VPS37C: variants seen among roughly 807,000 people sequenced by gnomAD.
The protein encoded by VPS37C is VPS37C subunit of ESCRT-I.
In VPS37C, 9 loss-of-function variants were observed where a neutral mutation model predicts 16.1. That is an observed-to-expected ratio of 0.56 (90% CI 0.34 to 0.97). The LOEUF (loss-of-function observed/expected upper bound fraction) is 0.97, where lower values mean the gene tolerates loss of function less well. Ranked by LOEUF, VPS37C falls within the 50% of genes least tolerant of loss-of-function variation. The probability of loss-of-function intolerance (pLI) is 0.02; values close to 1 mark genes in which losing one functional copy is unlikely to be tolerated. For synonymous variants in VPS37C, 207 were observed against 206.4 expected, an observed-to-expected ratio of 1.00 and a Z score of -0.02; for missense variants, 479 against 472.7, an observed-to-expected ratio of 1.01 and a Z score of -0.12.
intron 1 of VPS37C, among the ~76,000 whole-genome samples, chr11:61,154,598 C>T (rs1220529780): frequency 6.6e-6 from 1 of 151,820 alleles, no homozygotes; most frequent in Non-Finnish European, 1.5e-5. Context: ...CTCTAGCACC[C>T]TTACATACAT....
intron 1 of VPS37C, among the ~76,000 whole-genome samples, chr11:61,149,964 C>T (rs954993667): frequency 2.6e-5 from 4 of 152,130 alleles, no homozygotes; most frequent in African/African-American, 4.8e-5. Flanking sequence ...TATCAGCACG[C>T]GGCAGGCTGC....
chr11:61,148,846 C>T (rs940782699), intron 1 of VPS37C, among the ~76,000 whole-genome samples: 1 of 152,172 alleles, frequency 6.6e-6, no homozygotes, highest in Non-Finnish European at 1.5e-5. Flanking sequence ...TCAAGCAATC[C>T]ACCTCACTTC....
intron 1 of VPS37C, among the ~76,000 whole-genome samples, chr11:61,154,002 T>G (rs781148983): frequency 6.6e-6 from 1 of 152,198 alleles, no homozygotes; most frequent in Non-Finnish European, 1.5e-5. Flanking sequence ...GCCTTGGTAG[T>G]GAGGAAAAAT....
intron 1 of VPS37C, among the ~76,000 whole-genome samples, chr11:61,153,582 C>G (rs1316695496): frequency 6.6e-6 from 1 of 151,500 alleles, no homozygotes; most frequent in East Asian, 1.9e-4. Flanking sequence ...AAAAGCCAGA[C>G]AAAGCCAAAC....
chr11:61,145,944 T>A (rs1377595194), intron 1 of VPS37C, among the ~76,000 whole-genome samples: 1 of 152,234 alleles, frequency 6.6e-6, no homozygotes, highest in East Asian at 1.9e-4. Context: ...ACTGCTCTAG[T>A]GACCCCCAGG....
At chr11:61,134,623 T>C (rs566329504) in intron 2 of VPS37C, among the ~76,000 whole-genome samples, 48 of 152,176 alleles carry the variant, frequency 3.2e-4, no homozygotes, top group Non-Finnish European at 6.0e-4. Context: ...AGACCTACCA[T>C]GGTGGGCTCA....
intron 2 of VPS37C, chr11:61,138,262 T>A (rs988484089): frequency 1.9e-5 from 3 of 159,148 alleles, no homozygotes; most frequent in African/African-American, 7.2e-5. Flanking sequence ...GGATTCTGTT[T>A]CTTTCCTCAA....
intron 1 of VPS37C, among the ~76,000 whole-genome samples, chr11:61,146,808 T>C (rs1213488915): frequency 6.6e-6 from 1 of 152,176 alleles, no homozygotes; most frequent in African/African-American, 2.4e-5. Flanking sequence ...GCTTTTGTTT[T>C]TTCCTTTTGC....
chr11:61,135,747 AACTTT>A, intron 2 of VPS37C, among the ~76,000 whole-genome samples: 1 of 152,254 alleles, frequency 6.6e-6, no homozygotes, highest in East Asian at 1.9e-4. Context: ...TAGCCATGGA[AACTTT>A]ACTTACATGG....
At chr11:61,158,977 C>T (rs1170133140) in intron 1 of VPS37C, among the ~76,000 whole-genome samples, 1 of 152,202 alleles carries the variant, frequency 6.6e-6, no homozygotes, top group Non-Finnish European at 1.5e-5. Context: ...ACGCCACATC[C>T]TTCAAGGACA....
At chr11:61,148,578 TA>T (rs148831092) in intron 1 of VPS37C, among the ~76,000 whole-genome samples, 5,028 of 143,566 alleles carry the variant, frequency 0.035, 163 homozygotes, top group African/African-American at 0.083. Context: ...CACAGGAGGT[TA>T]AAAAAAAAAA....
chr11:61,131,927 G>A lies in VPS37C; in HGVS notation c.961C>T (p.Pro321Ser). ...YPIQPQLPSF[P>S]GQPQPSVPLQ... ...GGCACTGAGGGCTGGGGCTGGCCTG[G>A]AAAGCTGGGGAGCTGAGGCTGTATT... is the stretch of plus-strand genomic sequence containing the variant. The change falls in exon 5 of 5, where the codon CCA becomes TCA. Residue 321 changes from proline (P) to serine (S), a missense_variant. Transcript: ENST00000301765. 1 of 1,295,946 alleles carries A rather than the reference G, an allele frequency of 7.7e-7. No homozygotes were observed. The highest frequency in any genetic ancestry group is 9.8e-7 in the Non-Finnish European group (1 of 1,015,424). 80.3% of individuals were successfully genotyped at this position (1,295,946 alleles called of 1,614,324 possible). A position where few individuals can be genotyped will look rare whatever the true frequency, so the allele number is the denominator to read the frequency against.
rs1288226264 is a variant in VPS37C, at chr11:61,131,072, C to A, written c.*748G>T. 3.6e-6 allele frequency: 1 copy of A among 279,516 alleles called. No homozygotes were observed. Among genetic ancestry groups the A allele is most frequent in the South Asian group, 3.0e-5 (1 of 32,972 alleles). 17.3% of individuals were successfully genotyped at this position (279,516 alleles called of 1,614,324 possible). On this transcript the variant is annotated 3_prime_UTR_variant, in exon 5 of 5. Transcript: ENST00000301765. Reference sequence around the variant, plus strand: ...CCCAATGTGACCACAATCTCCAGGGCTAGAGCTGCCCGCTTCCCTCTGGCC... The same window carrying A: ...CCCAATGTGACCACAATCTCCAGGGATAGAGCTGCCCGCTTCCCTCTGGCC...
chr11:61,155,503 A>C (rs1332672343), intron 1 of VPS37C, among the ~76,000 whole-genome samples: 1 of 152,174 alleles, frequency 6.6e-6, no homozygotes, highest in Non-Finnish European at 1.5e-5. Flanking sequence ...TGCCTCTTAA[A>C]AAGCAAGAAG....
rs192592631 is a variant in VPS37C at position 61,153,325 on chromosome 11, G to A, written c.-7+8066C>T. Among the ~76,000 whole-genome samples the A allele has an allele frequency of 7.6e-4, 116 of 152,284 alleles. 1 individual carries two copies. The highest frequency in any genetic ancestry group is 2.7e-3 in the African/African-American group (112 of 41,548). ...CTGTCTCACCTGCCGCCATTAAGAC[G>A]AACGCACTTCACCTTCTGCCATGAT... On this transcript the variant is annotated intron_variant, in intron 1 of 4. Transcript: ENST00000301765.
Position 61,130,609 on chromosome 11 carries a change from C to A in VPS37C, c.*1211G>T. The A allele has an allele frequency of 7.3e-6, 2 of 273,670 alleles. No homozygotes were observed. Among genetic ancestry groups the A allele is most frequent in the Non-Finnish European group, 7.0e-6 (1 of 143,518 alleles). 17.0% of individuals were successfully genotyped at this position (273,670 alleles called of 1,614,324 possible). A position where few individuals can be genotyped will look rare whatever the true frequency, so the allele number is the denominator to read the frequency against. ...CCTGAGACCTGGTTTACCTCTGGAA[C>A]AACCAAGTTAACACTCATCACACCC... On this transcript the variant is annotated 3_prime_UTR_variant, in exon 5 of 5. Coordinates refer to ENST00000301765, the MANE Select transcript of VPS37C (RefSeq NM_017966.5).
chr11:61,153,612 T>A (rs936136284), intron 1 of VPS37C, among the ~76,000 whole-genome samples: 11 of 152,176 alleles, frequency 7.2e-5, no homozygotes, highest in African/African-American at 2.4e-4. Context: ...AAAATGATAG[T>A]TTGTAAACAC....
rs1241162278 is a variant in VPS37C, at chr11:61,138,784, G to A, written c.46C>T (p.Gln16Ter). Residue 16 changes from glutamine (Q) to a stop codon, truncating the protein, a stop_gained, in exon 2 of 5, where the codon CAG becomes TAG. Coordinates refer to ENST00000301765, the MANE Select transcript of VPS37C (RefSeq NM_017966.5). LOFTEE classifies it high-confidence loss of function. ...DKTLQELEEL[Q>*]NDSEAIDQLA... ...TGGTCAATCGCCTCCGAGTCATTCT[G>A]CAACTCCTCCAGCTCCTGCAGGGTC... 1 of 1,613,972 alleles carries A rather than the reference G, an allele frequency of 6.2e-7. No homozygotes were observed. Among genetic ancestry groups the A allele is most frequent in the African/African-American group, 1.3e-5 (1 of 74,880 alleles).
intron 1 of VPS37C, among the ~76,000 whole-genome samples, chr11:61,150,092 G>A (rs1400885002): frequency 6.6e-6 from 1 of 152,070 alleles, no homozygotes; most frequent in African/African-American, 2.4e-5. Context: ...CTGCATTCCA[G>A]CATTCCTAGA....
Sources: allele counts gnomAD v4.1 joint callset (sites outside exome capture counted in the v4.1 genomes callset), GRCh38; gene constraint gnomAD v4.1.1; transcripts MANE v1.5; gene names NCBI Gene and HGNC (gene_info 2026-07-23, HGNC 2026-07-21).